RPRD2: variants seen among roughly 807,000 people sequenced by gnomAD.
The protein encoded by RPRD2 is regulation of nuclear pre-mRNA domain containing 2.
In RPRD2, 12 loss-of-function variants were observed where a neutral mutation model predicts 104.4. The ratio of observed to expected loss-of-function variants is 0.11; its 90% confidence interval spans 0.07 to 0.19. The LOEUF is 0.19. Ranked by LOEUF, RPRD2 falls within the 10% of genes least tolerant of loss-of-function variation. RPRD2 has a pLI of 1.00. For missense variants in RPRD2, 1,543 were observed against 1,790.1 expected (o/e 0.86, Z 2.49); for synonymous variants, 714 against 684.9 (o/e 1.04, Z -0.66).
rs1666765133 is a variant in RPRD2, at chr1:150,446,239, G to A, written c.708G>A (p.Gly236=). The part of the protein sequence containing the change: ...TLKCLKDKTG[G]KKFSKEFEEA... Reference sequence around the variant, plus strand: ...ATGTCATTTTAGATAAAACAGGTGGGAAGAAGTTCTCCAAAGAATTTGAAG... The same window carrying A: ...ATGTCATTTTAGATAAAACAGGTGGAAAGAAGTTCTCCAAAGAATTTGAAG... The change falls in exon 7 of 11, where the codon GGG becomes GGA. Residue 236 remains glycine (G), a synonymous_variant. Transcript: ENST00000369068. The A allele has an allele frequency of 6.3e-7, 1 of 1,582,940 alleles. No homozygotes were observed. The highest frequency in any genetic ancestry group is 8.6e-7 in the Non-Finnish European group (1 of 1,169,498).
intron 2 of RPRD2, among the ~76,000 whole-genome samples, chr1:150,432,139 A>G (rs782099169): frequency 6.6e-6 from 1 of 151,528 alleles, no homozygotes; most frequent in Non-Finnish European, 1.5e-5. Flanking sequence ...ATGACATTAC[A>G]CTTTCTTCTG....
chr1:150,431,363 T>C (rs782070732), intron 2 of RPRD2, among the ~76,000 whole-genome samples: 4 of 152,036 alleles, frequency 2.6e-5, no homozygotes, highest in Non-Finnish European at 4.4e-5. Flanking sequence ...ATAGCAGCAT[T>C]ATTCACAGTA....
chr1:150,440,898 T>G (rs995904797), intron 2 of RPRD2, 25 bp from the exon 3 acceptor site: 1 of 1,133,566 alleles, frequency 8.8e-7, no homozygotes, highest in African/African-American at 1.5e-5. Context: ...TTTTATAGTC[T>G]GTATTACTTT....
At chr1:150,379,180 G>A (rs1285886353) in intron 1 of RPRD2, among the ~76,000 whole-genome samples, 1 of 151,262 alleles carries the variant, frequency 6.6e-6, no homozygotes, top group Non-Finnish European at 1.5e-5. Flanking sequence ...CTACTCAGGA[G>A]GCTGAGGCAG....
intron 7 of RPRD2, among the ~76,000 whole-genome samples, chr1:150,456,749 A>T (rs587736162): frequency 7.9e-5 from 12 of 151,730 alleles, no homozygotes; most frequent in Admixed American, 3.9e-4. Context: ...ACATGGTGAA[A>T]CCCCGTCTCT....
intron 1 of RPRD2, among the ~76,000 whole-genome samples, chr1:150,399,466 T>C (rs1034651928): frequency 1.6e-4 from 25 of 152,118 alleles, no homozygotes; most frequent in Admixed American, 1.1e-3. Context: ...TTGTAAAAAA[T>C]CGATTGCCGG....
chr1:150,392,814 C>T (rs1662190735), intron 1 of RPRD2, among the ~76,000 whole-genome samples: 1 of 151,974 alleles, frequency 6.6e-6, no homozygotes, highest in Non-Finnish European at 1.5e-5. Context: ...TGCACTCCAG[C>T]CTGGGCAGTA....
chr1:150,403,245 GT>G (rs1293478802), intron 1 of RPRD2, among the ~76,000 whole-genome samples: 6 of 151,944 alleles, frequency 3.9e-5, no homozygotes, highest in African/African-American at 1.5e-4. Context: ...TATATTATCA[GT>G]TTTTTTAAAC....
chr1:150,396,274 T>A (rs1258072575), intron 1 of RPRD2, among the ~76,000 whole-genome samples: 4 of 152,056 alleles, frequency 2.6e-5, no homozygotes, highest in African/African-American at 9.7e-5. Context: ...ACGTATAGAT[T>A]GTGAAGATTT....
At chr1:150,437,212 A>G (rs1325265055) in intron 2 of RPRD2, among the ~76,000 whole-genome samples, 1 of 151,338 alleles carries the variant, frequency 6.6e-6, no homozygotes, top group Admixed American at 6.6e-5. Context: ...TATCAACATT[A>G]AGGCCAGGCA....
intron 7 of RPRD2, among the ~76,000 whole-genome samples, chr1:150,456,956 G>A (rs1216001240): frequency 4.7e-5 from 7 of 147,886 alleles, no homozygotes; most frequent in African/African-American, 1.5e-4. Context: ...GGGTTTGGTG[G>A]CTCATGCCTA....
chr1:150,374,067 G>C lies in RPRD2; in HGVS notation c.205+9148G>C, dbSNP rs139085669. On this transcript the variant is annotated intron_variant, in intron 1 of 10. Transcript: ENST00000369068. ...ATCCCCTGGGTAGCCTAAGGATGGG[G>C]GCTGGTCACTGGAAAGAATAAGGCA... 1.4e-3 allele frequency among the ~76,000 whole-genome samples: 208 copies of C among 152,264 alleles called. 2 individuals carry two copies. In the Middle Eastern group the frequency reaches 0.031, roughly 22 times the overall value.
At chr1:150,426,694 TTTGCCAGGGACTGGGGTAG>T (rs1665146669) in intron 2 of RPRD2, among the ~76,000 whole-genome samples, 1 of 152,160 alleles carries the variant, frequency 6.6e-6, no homozygotes, top group South Asian at 2.1e-4. Flanking sequence ...TAGAATAGTG[TTTGCCAGGGACTGGGGTAG>T]GGGGCAGGGA....
In RPRD2 at chr1:150,475,084, A is replaced by G. The variant is rs1413294121; in HGVS notation, c.*1750A>G. 6.6e-6 allele frequency: 1 copy of G among 152,176 alleles called. No homozygotes were observed. Among genetic ancestry groups the G allele is most frequent in the Non-Finnish European group, 1.5e-5 (1 of 68,054 alleles). 9.4% of individuals were successfully genotyped at this position (152,176 alleles called of 1,614,324 possible). On this transcript the variant is annotated 3_prime_UTR_variant, in exon 11 of 11. Transcript: ENST00000369068. ...TTAATGCCTGTCTGGTCTTAAGCCA[A>G]CTGTTCTTTCTTTCCTCGACCCTCT...
At chr1:150,390,337 A>G (rs1553882913) in intron 1 of RPRD2, among the ~76,000 whole-genome samples, 1 of 152,130 alleles carries the variant, frequency 6.6e-6, no homozygotes, top group Non-Finnish European at 1.5e-5. Flanking sequence ...TCTACTAAAA[A>G]TATTAAAAAA....
chr1:150,375,117 T>A (rs782785892), intron 1 of RPRD2, among the ~76,000 whole-genome samples: 1 of 152,120 alleles, frequency 6.6e-6, no homozygotes, highest in Non-Finnish European at 1.5e-5. Context: ...TTATAAACTA[T>A]AATTATTGTA....
rs587759804 is a variant in RPRD2, at chr1:150,418,084, C to T, written c.335+359C>T. On this transcript the variant is annotated intron_variant, in intron 2 of 10. Transcript: ENST00000369068. The stretch of plus-strand genomic sequence containing the variant: ...CCGGGTTCAAGCAATTCTCTTGCCT[C>T]AGCCTCCCAAATAGCTGGGACTACA... Among the ~76,000 whole-genome samples, 4 of 152,230 alleles carry T rather than the reference C, an allele frequency of 2.6e-5. No homozygotes were observed. The East Asian group carries it at 7.7e-4, about 29-fold the overall frequency.
intron 7 of RPRD2, among the ~76,000 whole-genome samples, chr1:150,446,850 T>TC (rs1339469879): frequency 1.3e-5 from 2 of 150,852 alleles, no homozygotes; most frequent in Admixed American, 6.6e-5. Context: ...TTTTTTTTTT[T>TC]GGAACGGAGT....
intron 9 of RPRD2, among the ~76,000 whole-genome samples, chr1:150,462,617 C>T (rs1404928307): frequency 2.6e-5 from 4 of 151,634 alleles, no homozygotes; most frequent in Non-Finnish European, 5.9e-5. Flanking sequence ...AGTGCAGTGG[C>T]GCGATCTCAG....
Sources: gnomAD v4.1 joint callset for allele counts (sites outside exome capture counted in the v4.1 genomes callset) on GRCh38, gnomAD v4.1.1 for gene constraint, MANE v1.5 for transcripts, NCBI Gene and HGNC (gene_info 2026-07-23, HGNC 2026-07-21) for gene names.